The following PCDHA7 variants were observed in gnomAD, a reference collection of about 807,000 sequenced individuals.
PCDHA7 encodes the protein protocadherin alpha-7.
A neutral mutation model predicts 57.2 loss-of-function variants in PCDHA7; 37 were observed. That is an observed-to-expected ratio of 0.65 (90% CI 0.50 to 0.85). The LOEUF (loss-of-function observed/expected upper bound fraction) is 0.85, where lower values mean the gene tolerates loss of function less well. Ranked by LOEUF, PCDHA7 falls within the 40% of genes least tolerant of loss-of-function variation. PCDHA7 has a pLI of 0.00. For synonymous variants in PCDHA7, 553 were observed against 558.8 expected (o/e 0.99, Z 0.15); for missense variants, 1,188 against 1,241.8 (o/e 0.96, Z 0.65).
At chr5:140,870,477 G>A (rs781992966) in intron 1 of PCDHA7, 2 of 1,614,238 alleles carry the variant, frequency 1.2e-6, no homozygotes, top group East Asian at 2.2e-5. Flanking sequence ...CACAGCCCGA[G>A]TACACCGTGT....
At chr5:140,848,529 C>T (rs2150412022) in intron 1 of PCDHA7, 7 of 1,594,446 alleles carry the variant, frequency 4.4e-6, no homozygotes, top group Non-Finnish European at 6.0e-6. Flanking sequence ...TCCAGAGGGT[C>T]AGCCTCTACT....
chr5:140,900,252 AG>A (rs2067859572), intron 1 of PCDHA7, among the ~76,000 whole-genome samples: 1 of 152,096 alleles, frequency 6.6e-6, no homozygotes, highest in South Asian at 2.1e-4. Flanking sequence ...ATGGCTGAAT[AG>A]TACTCCATTG....
chr5:140,967,212 C>T, intron 1 of PCDHA7: 1 of 1,613,630 alleles, frequency 6.2e-7, no homozygotes, highest in Middle Eastern at 1.6e-4. Flanking sequence ...CCGCGTTTCC[C>T]GCGGCCCAAC....
intron 1 of PCDHA7, among the ~76,000 whole-genome samples, chr5:140,886,928 C>T (rs2061230435): frequency 6.6e-6 from 1 of 151,686 alleles, no homozygotes; most frequent in African/African-American, 2.4e-5. Flanking sequence ...TCTCTATGTG[C>T]CAGGCATGTT....
intron 1 of PCDHA7, among the ~76,000 whole-genome samples, chr5:140,964,284 A>C (rs190870993): frequency 6.6e-6 from 1 of 152,362 alleles, no homozygotes; most frequent in East Asian, 1.9e-4. Context: ...AGTAAATTCT[A>C]GCTGGAGCTA....
intron 1 of PCDHA7, among the ~76,000 whole-genome samples, chr5:140,959,768 A>G (rs1554224322): frequency 6.6e-6 from 1 of 152,240 alleles, no homozygotes; most frequent in African/African-American, 2.4e-5. Flanking sequence ...ATATTCAGTA[A>G]GAACAGTGTA....
In PCDHA7 at chr5:140,835,437, C is replaced by G. The variant is rs150063888; in HGVS notation, c.1054C>G (p.Leu352Val). The part of the protein sequence containing the change: ...DVNDNAPQLT[L>V]TSLSLPIPED... ...AAATGACAATGCTCCACAGTTGACTCTCACTTCCCTGTCTCTCCCTATTCC... is the reference window on the plus strand; with the variant it reads ...AAATGACAATGCTCCACAGTTGACTGTCACTTCCCTGTCTCTCCCTATTCC... The change falls in exon 1 of 4, where the codon CTC becomes GTC. Residue 352 changes from leucine to valine, a missense_variant. Transcript: ENST00000525929. 1.9e-6 allele frequency: 3 copies of G among 1,612,848 alleles called. No individual in the cohort carries two copies. The highest frequency in any genetic ancestry group is 1.7e-4 in the Middle Eastern group (1 of 6,058).
chr5:140,876,585 G>T, intron 1 of PCDHA7: 5 of 1,614,202 alleles, frequency 3.1e-6, no homozygotes, highest in Non-Finnish European at 4.2e-6. Context: ...TCATTGCCCT[G>T]ATTAGCGTGT....
intron 1 of PCDHA7, chr5:140,876,054 A>C: frequency 6.2e-7 from 1 of 1,613,940 alleles, no homozygotes; most frequent in Non-Finnish European, 8.5e-7. Context: ...TGCCTGAATT[A>C]GTTCTTCGGA....
intron 1 of PCDHA7, among the ~76,000 whole-genome samples, chr5:140,924,932 AAAAT>A (rs2082199458): frequency 7.6e-6 from 1 of 131,842 alleles, no homozygotes; most frequent in East Asian, 2.6e-4. Flanking sequence ...AAAATAAAAT[AAAAT>A]AAAAAGTTAA....
Position 140,868,975 on chromosome 5 carries a change from A to G in PCDHA7, c.2355+32237A>G, listed in dbSNP as rs1379610882. 4.1e-6 allele frequency: 6 copies of G among 1,479,060 alleles called. No individual in the cohort carries two copies. The South Asian group carries it at 7.0e-5, about 17-fold the overall frequency. The allele number at this position is 1,479,060 out of a possible 1,614,324, so 91.6% of individuals were successfully genotyped here. A position where few individuals can be genotyped will look rare whatever the true frequency, so the allele number is the denominator to read the frequency against. The stretch of plus-strand genomic sequence containing the variant: ...CACTCCCATACAAAGGAACTCCATC[A>G]TACCGGATGCCACCGTTTAAGGATC... On this transcript the variant is annotated intron_variant, in intron 1 of 3. Transcript: ENST00000525929.
Position 140,843,203 on chromosome 5 carries a change from A to T in PCDHA7, c.2355+6465A>T, listed in dbSNP as rs149174279. 6.3e-7 allele frequency: 1 copy of T among 1,595,824 alleles called. No homozygotes were observed. The highest frequency in any genetic ancestry group is 1.3e-5 in the African/African-American group (1 of 74,416). ...CATCCCGTTCCGCGTGGGGCTGTAC[A>T]CGGGCGAGATCAGCACCACTCGTGT... On this transcript the variant is annotated intron_variant, in intron 1 of 3. Transcript: ENST00000525929.
chr5:141,004,486 C>CT (rs2098167953), intron 3 of PCDHA7, among the ~76,000 whole-genome samples: 2 of 152,200 alleles, frequency 1.3e-5, no homozygotes, highest in South Asian at 4.1e-4. Flanking sequence ...TGGATTAACT[C>CT]TTGGCAGTCC....
intron 1 of PCDHA7, among the ~76,000 whole-genome samples, chr5:140,875,095 G>A (rs2055270565): frequency 6.6e-6 from 1 of 152,156 alleles, no homozygotes; most frequent in Non-Finnish European, 1.5e-5. Context: ...AATTGTTGAT[G>A]TTTTGTTACT....
intron 1 of PCDHA7, among the ~76,000 whole-genome samples, chr5:140,896,652 C>T (rs1393897195): frequency 2.6e-5 from 4 of 152,018 alleles, no homozygotes; most frequent in African/African-American, 9.7e-5. Flanking sequence ...GCTAGTATTA[C>T]AGGCATGAGT....
intron 1 of PCDHA7, among the ~76,000 whole-genome samples, chr5:140,897,416 T>C (rs1233824796): frequency 6.9e-6 from 1 of 145,554 alleles, no homozygotes; most frequent in African/African-American, 2.5e-5. Flanking sequence ...TCAATTCCCA[T>C]CTATGAGTGA....
At chr5:140,925,479 A>G (rs2082513030) in intron 1 of PCDHA7, among the ~76,000 whole-genome samples, 1 of 152,116 alleles carries the variant, frequency 6.6e-6, no homozygotes. Context: ...TGTTTCTCAT[A>G]GAACTGATCA....
At chr5:140,915,995 C>T (rs1256886751) in intron 1 of PCDHA7, among the ~76,000 whole-genome samples, 4 of 152,180 alleles carry the variant, frequency 2.6e-5, no homozygotes, top group African/African-American at 4.8e-5. Context: ...TAAGCTGGCA[C>T]TCAAACCACA....
At chr5:140,868,818 T>TG (rs1170928689) in intron 1 of PCDHA7, 2 of 385,940 alleles carry the variant, frequency 5.2e-6, no homozygotes, top group Non-Finnish European at 9.1e-6. Flanking sequence ...TGGAAATATT[T>TG]GGGGGAAGAA....
Sources: allele counts gnomAD v4.1 joint callset (sites outside exome capture counted in the v4.1 genomes callset), GRCh38; gene constraint gnomAD v4.1.1; transcripts MANE v1.5; gene names NCBI Gene and HGNC (gene_info 2026-07-23, HGNC 2026-07-21).